The following CTNNA3 variants were observed in gnomAD, a reference collection of about 807,000 sequenced individuals.
CTNNA3 encodes catenin alpha 3.
Under a neutral mutation model 95.7 loss-of-function variants are expected in CTNNA3, and 76 were observed. That is an observed-to-expected ratio of 0.79 (90% CI 0.66 to 0.96). The LOEUF is 0.96. Among genes scored for constraint, CTNNA3 ranks in the 40% least tolerant of loss-of-function variants. The pLI is 0.00. For synonymous variants in CTNNA3, 431 were observed against 374.4 expected (o/e 1.15, Z -1.74); for missense variants, 1,191 against 1,089.8 (o/e 1.09, Z -1.31).
chr10:67,248,470 AG>A (rs58854572), intron 5 of CTNNA3, among the ~76,000 whole-genome samples: 152,286 of 152,286 alleles, frequency 1, 76,143 homozygotes, highest in Non-Finnish European at 1. Context: ...GCTGGAGTGC[AG>A]GTGGCACAAT....
intron 1 of CTNNA3, among the ~76,000 whole-genome samples, chr10:67,673,353 T>G (rs1441934645): frequency 2.7e-5 from 4 of 148,278 alleles, no homozygotes; most frequent in Non-Finnish European, 6.0e-5. Context: ...ACCCTTTATT[T>G]CCTTCTCCTG....
chr10:66,037,609 C>CT (rs1370686568), intron 15 of CTNNA3, among the ~76,000 whole-genome samples: 1 of 152,186 alleles, frequency 6.6e-6, no homozygotes, highest in Non-Finnish European at 1.5e-5. Context: ...TGCCAGTGCA[C>CT]TACCTGGAAA....
At chr10:67,072,447 TA>T (rs1306235651) in intron 7 of CTNNA3, among the ~76,000 whole-genome samples, 8 of 152,208 alleles carry the variant, frequency 5.3e-5, no homozygotes, top group Non-Finnish European at 1.0e-4. Flanking sequence ...CGTACTCTTT[TA>T]TTGTATGATA....
chr10:66,106,135 C>A (rs549127749), intron 13 of CTNNA3, among the ~76,000 whole-genome samples: 144 of 149,972 alleles, frequency 9.6e-4, no homozygotes, highest in African/African-American at 3.4e-3. Flanking sequence ...TGAATCCAGG[C>A]GGCGGAGGTT....
chr10:67,438,421 C>T (rs888604754), intron 5 of CTNNA3, among the ~76,000 whole-genome samples: 3 of 152,132 alleles, frequency 2.0e-5, no homozygotes, highest in Non-Finnish European at 2.9e-5. Flanking sequence ...AGCATCAGAT[C>T]CTGACAGTGA....
intron 15 of CTNNA3, among the ~76,000 whole-genome samples, chr10:66,049,741 G>T (rs147735849): frequency 2.6e-5 from 4 of 152,018 alleles, no homozygotes; most frequent in African/African-American, 7.2e-5. Context: ...GAGTTAAATG[G>T]TAAGAACTTT....
chr10:66,406,919 G>A (rs927182421), intron 11 of CTNNA3, among the ~76,000 whole-genome samples: 3 of 152,022 alleles, frequency 2.0e-5, no homozygotes, highest in African/African-American at 7.2e-5. Context: ...ATTTCGATAT[G>A]TTTTGATTTC....
intron 15 of CTNNA3, among the ~76,000 whole-genome samples, chr10:66,038,995 C>T (rs1026099855): frequency 7.9e-5 from 12 of 152,144 alleles, no homozygotes; most frequent in African/African-American, 2.4e-4. Context: ...TCTAGAAAAT[C>T]CCATAGTCTC....
chr10:66,664,389 T>C (rs978366215), intron 9 of CTNNA3, among the ~76,000 whole-genome samples: 5 of 151,894 alleles, frequency 3.3e-5, no homozygotes, highest in African/African-American at 9.7e-5. Flanking sequence ...GGAATAATTT[T>C]AGGAAACGTT....
chr10:67,121,483 T>C (rs889956011), intron 7 of CTNNA3, among the ~76,000 whole-genome samples: 4 of 151,996 alleles, frequency 2.6e-5, no homozygotes, highest in Non-Finnish European at 4.4e-5. Flanking sequence ...ACCTCCTCCA[T>C]AGACCATGTA....
chr10:66,366,085 C>A (rs1415811066), intron 12 of CTNNA3, among the ~76,000 whole-genome samples: 1 of 152,064 alleles, frequency 6.6e-6, no homozygotes, highest in Non-Finnish European at 1.5e-5. Flanking sequence ...GGGAGATTTG[C>A]TATGCAGCAT....
intron 7 of CTNNA3, among the ~76,000 whole-genome samples, chr10:67,089,715 A>ATATGTGTG (rs931250680): frequency 2.1e-5 from 2 of 93,264 alleles, no homozygotes; most frequent in Admixed American, 2.1e-4. Context: ...GTGTATATAC[A>ATATGTGTG]TATGTGTGTG....
chr10:67,485,160 C>T (rs1848395097), intron 5 of CTNNA3, among the ~76,000 whole-genome samples: 1 of 152,158 alleles, frequency 6.6e-6, no homozygotes, highest in Admixed American at 6.5e-5. Flanking sequence ...AAGTTGTGTC[C>T]TCTGCAGCAA....
chr10:66,022,235 C>T (rs1005664668), intron 15 of CTNNA3, among the ~76,000 whole-genome samples: 1 of 152,024 alleles, frequency 6.6e-6, no homozygotes. Flanking sequence ...ACATGTTCAA[C>T]CTTCATATGC....
At chr10:66,064,685 C>A (rs1179151107) in intron 15 of CTNNA3, among the ~76,000 whole-genome samples, 1 of 152,110 alleles carries the variant, frequency 6.6e-6, no homozygotes, top group Non-Finnish European at 1.5e-5. Context: ...GACTATGTGT[C>A]TCCTCCAAAT....
intron 11 of CTNNA3, among the ~76,000 whole-genome samples, chr10:66,461,104 A>G (rs2093526171): frequency 6.6e-6 from 1 of 152,306 alleles, no homozygotes; most frequent in African/African-American, 2.4e-5. Context: ...AAAACTGGTC[A>G]TTAGAGGAGC....
At chr10:67,157,658 A>T (rs1861368572) in intron 7 of CTNNA3, among the ~76,000 whole-genome samples, 1 of 152,132 alleles carries the variant, frequency 6.6e-6, no homozygotes, top group Admixed American at 6.5e-5. Context: ...AAAACCAGGA[A>T]TTTGTTTTTG....
intron 5 of CTNNA3, among the ~76,000 whole-genome samples, chr10:67,421,392 T>G (rs1589274278): frequency 6.6e-6 from 1 of 152,224 alleles, no homozygotes; most frequent in Admixed American, 6.5e-5. Context: ...GTTTTTGTTG[T>G]TATTTTTTGT....
At position 65,920,478 on chromosome 10, in the gene CTNNA3, A is replaced by G. The variant is rs1391961462; in HGVS notation, c.2540T>C (p.Met847Thr). Residue 847 changes from methionine (M) to threonine (T), a missense_variant, in exon 18 of 18, where the codon ATG (methionine) becomes ACG (threonine). Coordinates refer to ENST00000433211, the MANE Select transcript of CTNNA3 (RefSeq NM_013266.4). ...TTTTGCAGGAGCCTTCATTCTCCAC[A>G]TCACAACTGGGTGCCGGGGCCCAGC... is the stretch of plus-strand genomic sequence containing the variant. ...SPAGPRHPVVMWRMKAPAKKP... is the reference protein window; with the variant it reads ...SPAGPRHPVVTWRMKAPAKKP... 8 of 1,614,062 alleles carry G rather than the reference A, an allele frequency of 5.0e-6. No individual in the cohort carries two copies. The South Asian group carries it at 5.5e-5, about 11-fold the overall frequency.
Sources: allele counts gnomAD v4.1 joint callset (sites outside exome capture counted in the v4.1 genomes callset), GRCh38; gene constraint gnomAD v4.1.1; transcripts MANE v1.5; gene names NCBI Gene and HGNC (gene_info 2026-07-23, HGNC 2026-07-21).